EXOC6B: variants seen among roughly 807,000 people sequenced by gnomAD.
EXOC6B encodes the protein SEC15 homolog B.
A neutral mutation model predicts 113.5 loss-of-function variants in EXOC6B; 54 were observed. That is an observed-to-expected ratio of 0.48 (90% CI 0.38 to 0.60). The LOEUF (loss-of-function observed/expected upper bound fraction) is 0.60, where lower values mean the gene tolerates loss of function less well. Ranked by LOEUF, EXOC6B falls within the 20% of genes least tolerant of loss-of-function variation. EXOC6B has a pLI of 0.00. For synonymous variants in EXOC6B, 357 were observed against 339.0 expected (o/e 1.05, Z -0.58); for missense variants, 797 against 977.5 (o/e 0.82, Z 2.46).
intron 20 of EXOC6B, among the ~76,000 whole-genome samples, chr2:72,211,992 G>A (rs903908098): frequency 1.3e-5 from 2 of 152,054 alleles, no homozygotes; most frequent in Non-Finnish European, 2.9e-5. Flanking sequence ...ACACAGATGG[G>A]AGTGTGTGGA....
chr2:72,458,122 A>T (rs1425228032), intron 18 of EXOC6B, among the ~76,000 whole-genome samples: 1 of 152,088 alleles, frequency 6.6e-6, no homozygotes, highest in East Asian at 1.9e-4. Flanking sequence ...CTCTATATAC[A>T]TTTTTTCTAT....
intron 18 of EXOC6B, among the ~76,000 whole-genome samples, chr2:72,387,970 C>A (rs1692149921): frequency 6.6e-6 from 1 of 152,068 alleles, no homozygotes; most frequent in African/African-American, 2.4e-5. Context: ...CAATTTTCCT[C>A]TAAGCTAGCA....
rs539271120 is a variant in EXOC6B, at chr2:72,662,740, G to A, written c.669+55363C>T. ...AATGGCCCAGCCATTCTGAAAAACCGTTTAGCCTTTTTTTTTTTGAGACGG... is the reference window on the plus strand; with the variant it reads ...AATGGCCCAGCCATTCTGAAAAACCATTTAGCCTTTTTTTTTTTGAGACGG... On this transcript the variant is annotated intron_variant, in intron 6 of 21. Coordinates refer to ENST00000272427, the MANE Select transcript of EXOC6B (RefSeq NM_015189.3). 1.3e-4 allele frequency among the ~76,000 whole-genome samples: 20 copies of A among 151,784 alleles called. No individual in the cohort carries two copies. In the East Asian group the frequency reaches 2.5e-3, roughly 19 times the overall value.
intron 18 of EXOC6B, among the ~76,000 whole-genome samples, chr2:72,433,336 A>G (rs567125184): frequency 2.0e-5 from 3 of 152,276 alleles, no homozygotes; most frequent in African/African-American, 7.2e-5. Flanking sequence ...AAAGTCAGGT[A>G]GTGTGATGCC....
chr2:72,360,164 G>A (rs573721814), intron 19 of EXOC6B, among the ~76,000 whole-genome samples: 24 of 151,444 alleles, frequency 1.6e-4, no homozygotes, highest in African/African-American at 5.1e-4. Context: ...CTCAGCTCAC[G>A]GCAACCTCCA....
intron 13 of EXOC6B, among the ~76,000 whole-genome samples, chr2:72,497,600 TAG>T (rs1442028240): frequency 2.0e-5 from 3 of 152,092 alleles, no homozygotes; most frequent in Non-Finnish European, 2.9e-5. Flanking sequence ...TAGCTAAATC[TAG>T]GTTTTAGAAA....
chr2:72,618,946 A>C (rs931366765), intron 6 of EXOC6B, among the ~76,000 whole-genome samples: 5 of 152,228 alleles, frequency 3.3e-5, no homozygotes, highest in Non-Finnish European at 7.3e-5. Context: ...TGATAACAGG[A>C]ACTGATTTAG....
intron 18 of EXOC6B, among the ~76,000 whole-genome samples, chr2:72,406,062 G>C (rs1253169332): frequency 6.6e-6 from 1 of 152,096 alleles, no homozygotes; most frequent in Non-Finnish European, 1.5e-5. Flanking sequence ...CCTAGTCTCT[G>C]ATAAAACAGA....
At chr2:72,706,801 T>C (rs1399929133) in intron 6 of EXOC6B, among the ~76,000 whole-genome samples, 1 of 152,180 alleles carries the variant, frequency 6.6e-6, no homozygotes, top group Non-Finnish European at 1.5e-5. Context: ...CTATGACCCC[T>C]TCCCTTGAGT....
intron 20 of EXOC6B, among the ~76,000 whole-genome samples, chr2:72,252,066 A>G (rs530482446): frequency 5.7e-4 from 86 of 152,084 alleles, no homozygotes; most frequent in Non-Finnish European, 1.1e-3. Flanking sequence ...TAAAATCATC[A>G]ACTTTTCCCT....
intron 14 of EXOC6B, among the ~76,000 whole-genome samples, chr2:72,496,177 A>G (rs932045157): frequency 2.6e-5 from 4 of 152,194 alleles, no homozygotes; most frequent in African/African-American, 9.7e-5. Context: ...GAATTAGAAC[A>G]TCCGCAGCAA....
In EXOC6B at chr2:72,406,328, G is replaced by C. The variant is rs539317064; in HGVS notation, c.1981-26458C>G. Among the ~76,000 whole-genome samples the C allele has an allele frequency of 4.6e-5, 7 of 152,130 alleles. No homozygotes were observed. The South Asian group carries it at 1.5e-3, about 32-fold the overall frequency. On this transcript the variant is annotated intron_variant, in intron 18 of 21. Coordinates refer to ENST00000272427, the MANE Select transcript of EXOC6B (RefSeq NM_015189.3). ...AAGTTAACAAGGATATCCAGGAATTGAACTCAGCTCTGCACCAAGCAGACC... is the reference window on the plus strand; with the variant it reads ...AAGTTAACAAGGATATCCAGGAATTCAACTCAGCTCTGCACCAAGCAGACC...
intron 8 of EXOC6B, among the ~76,000 whole-genome samples, chr2:72,542,744 T>C (rs1702675457): frequency 6.6e-6 from 1 of 152,228 alleles, no homozygotes; most frequent in Non-Finnish European, 1.5e-5. Context: ...ATCATGAGGC[T>C]CTGGCTGTAG....
In EXOC6B at chr2:72,465,237, C is replaced by T. The variant is rs1558694827; in HGVS notation, c.1903G>A (p.Gly635Ser). The T allele has an allele frequency of 6.2e-7, 1 of 1,611,332 alleles. No homozygotes were observed. Among genetic ancestry groups the T allele is most frequent in the East Asian group, 2.2e-5 (1 of 44,772 alleles). The change falls in exon 18 of 22, where the codon GGC becomes AGC. Residue 635 changes from glycine to serine, a missense_variant. Physicochemically the swap from Gly to Ser is moderately conservative, Grantham distance 56 (BLOSUM62 0). Transcript: ENST00000272427. ...ADYDWMTGDL[G>S]NKASDYLVDL... ...ACCAGGTAATCACTAGCTTTGTTGC[C>T]CAAATCTCCGGTCATCCAGTCATAG...
chr2:72,268,517 G>A (rs540137733), intron 20 of EXOC6B, among the ~76,000 whole-genome samples: 4 of 152,138 alleles, frequency 2.6e-5, no homozygotes, highest in African/African-American at 7.2e-5. Flanking sequence ...ACACATGTAC[G>A]TAAGTTGGAA....
intron 8 of EXOC6B, among the ~76,000 whole-genome samples, chr2:72,542,481 A>G (rs569173120): frequency 6.6e-6 from 1 of 152,374 alleles, no homozygotes; most frequent in East Asian, 1.9e-4. Context: ...CTGAAAAAGT[A>G]AAGAATCTAT....
intron 5 of EXOC6B, among the ~76,000 whole-genome samples, chr2:72,719,429 C>T (rs1014507041): frequency 5.3e-5 from 8 of 152,130 alleles, no homozygotes; most frequent in African/African-American, 1.7e-4. Flanking sequence ...TGATAAACTC[C>T]GCAAGTTGCT....
At chr2:72,665,901 T>C (rs1675356410) in intron 6 of EXOC6B, among the ~76,000 whole-genome samples, 1 of 152,220 alleles carries the variant, frequency 6.6e-6, no homozygotes, top group East Asian at 1.9e-4. Flanking sequence ...AGTGGCAAGG[T>C]GAATAAAAAG....
chr2:72,509,934 A>G (rs1169876697), intron 11 of EXOC6B, among the ~76,000 whole-genome samples: 1 of 152,138 alleles, frequency 6.6e-6, no homozygotes, highest in East Asian at 1.9e-4. Flanking sequence ...CCTGGGTTCC[A>G]GCAATTCTCC....
Sources: gnomAD v4.1 joint callset for allele counts (sites outside exome capture counted in the v4.1 genomes callset) on GRCh38, gnomAD v4.1.1 for gene constraint, MANE v1.5 for transcripts, NCBI Gene and HGNC (gene_info 2026-07-23, HGNC 2026-07-21) for gene names.